Variants in CCDC30 observed in about 807,000 individuals in gnomAD.
The protein encoded by CCDC30 is coiled-coil domain-containing protein 30.
Under a neutral mutation model 100.2 loss-of-function variants are expected in CCDC30, and 70 were observed. The ratio of observed to expected loss-of-function variants is 0.70; its 90% CI spans 0.58 to 0.85. CCDC30 has a LOEUF of 0.85. CCDC30 is among the 40% of genes least tolerant of loss of function. The pLI is 0.00. For missense variants in CCDC30, 652 were observed against 771.2 expected (o/e 0.85, Z 1.83); for synonymous variants, 233 against 269.5 (o/e 0.86, Z 1.33).
At chr1:42,614,471 A>G (rs553368982) in intron 11 of CCDC30, among the ~76,000 whole-genome samples, 7 of 152,124 alleles carry the variant, frequency 4.6e-5, no homozygotes, top group Non-Finnish European at 8.8e-5. Flanking sequence ...GTTTGTGCCC[A>G]TATTACCACC....
intron 7 of CCDC30, among the ~76,000 whole-genome samples, chr1:42,572,566 C>T (rs1281452932): frequency 6.6e-6 from 1 of 151,996 alleles, no homozygotes. Flanking sequence ...TATCTTACTA[C>T]TTCAAAGTCA....
chr1:42,473,143 A>G, intron 1 of CCDC30: 1 of 1,229,652 alleles, frequency 8.1e-7, no homozygotes, highest in Non-Finnish European at 1.0e-6. Flanking sequence ...GTTAGAAGAC[A>G]TACTTCACCA....
intron 9 of CCDC30, among the ~76,000 whole-genome samples, chr1:42,586,315 G>A (rs567471108): frequency 5.9e-5 from 9 of 152,092 alleles, no homozygotes; most frequent in South Asian, 2.1e-4. Context: ...TTGTTTGTTC[G>A]TTTGTTTAGA....
At chr1:42,457,284 A>G in the CCDC30 span, 19 of 1,614,184 alleles carry the variant, frequency 1.2e-5, no homozygotes, top group Non-Finnish European at 1.6e-5. Flanking sequence ...CGGCTGTGTC[A>G]GATTTCTATG....
At chr1:42,559,331 T>C (rs1645437811) in intron 6 of CCDC30, among the ~76,000 whole-genome samples, 1 of 152,102 alleles carries the variant, frequency 6.6e-6, no homozygotes, top group Admixed American at 6.6e-5. Flanking sequence ...ATGCCCCAAT[T>C]AAAAGACACA....
exon 3 of CCDC30, chr1:42,482,764 T>G: frequency 8.1e-7 from 1 of 1,233,878 alleles, no homozygotes; most frequent in Non-Finnish European, 1.0e-6. Flanking sequence ...ATGAAGAGAT[T>G]CAAAGGCTCA....
At chr1:42,478,595 C>CA (rs778920183) in intron 1 of CCDC30, among the ~76,000 whole-genome samples, 44 of 152,132 alleles carry the variant, frequency 2.9e-4, no homozygotes, top group South Asian at 6.2e-4. Context: ...CCCATCTCTA[C>CA]AAAAAATACA....
upstream of CCDC30, among the ~76,000 whole-genome samples, chr1:42,458,253 G>A (rs995159437): frequency 7.2e-5 from 11 of 152,216 alleles, no homozygotes; most frequent in African/African-American, 2.4e-4. Flanking sequence ...TATGAAAGAC[G>A]AAGTAGAGAA....
At chr1:42,644,211 C>G (rs1647685152) in intron 13 of CCDC30, among the ~76,000 whole-genome samples, 1 of 152,126 alleles carries the variant, frequency 6.6e-6, no homozygotes, top group South Asian at 2.1e-4. Context: ...AGGCTGTCCA[C>G]AAGCTGAGGA....
At chr1:42,652,188 T>C (rs11210689) in intron 15 of CCDC30, among the ~76,000 whole-genome samples, 28,346 of 152,098 alleles carry the variant, frequency 0.19, 3,119 homozygotes, top group East Asian at 0.3. Context: ...ACCTGGAGGA[T>C]ATTATGCTAA....
At chr1:42,524,047 T>C (rs912129640) in intron 6 of CCDC30, among the ~76,000 whole-genome samples, 4 of 152,064 alleles carry the variant, frequency 2.6e-5, no homozygotes, top group African/African-American at 9.6e-5. Context: ...TAAAAGTCTT[T>C]GTGTAGTAGA....
intron 1 of CCDC30, among the ~76,000 whole-genome samples, chr1:42,477,288 G>C (rs1199376784): frequency 6.6e-6 from 1 of 152,130 alleles, no homozygotes; most frequent in Non-Finnish European, 1.5e-5. Flanking sequence ...GGAGTGCAGT[G>C]GTGTGATCTC....
intron 6 of CCDC30, chr1:42,500,376 C>T (rs780924479): frequency 6.3e-5 from 88 of 1,396,610 alleles, no homozygotes; most frequent in Non-Finnish European, 8.2e-5. Context: ...TGCGTGAGAA[C>T]GAGCGAAGTC....
At chr1:42,480,816 G>C (rs1643944351) in intron 2 of CCDC30, among the ~76,000 whole-genome samples, 1 of 152,106 alleles carries the variant, frequency 6.6e-6, no homozygotes, top group African/African-American at 2.4e-5. Context: ...TTGTTTGAAT[G>C]TATGATAATG....
At chr1:42,512,485 A>G (rs1367968335) in intron 6 of CCDC30, among the ~76,000 whole-genome samples, 1 of 152,164 alleles carries the variant, frequency 6.6e-6, no homozygotes, top group African/African-American at 2.4e-5. Context: ...AAATCACAAC[A>G]GCATTCCCCT....
chr1:42,514,267 G>A (rs1437422266), intron 6 of CCDC30, among the ~76,000 whole-genome samples: 3 of 152,080 alleles, frequency 2.0e-5, no homozygotes, highest in African/African-American at 7.2e-5. Context: ...TCCTAGAAGT[G>A]GAATTATTGG....
intron 11 of CCDC30, among the ~76,000 whole-genome samples, chr1:42,618,112 G>A (rs551838639): frequency 4.1e-4 from 63 of 151,938 alleles, no homozygotes; most frequent in Non-Finnish European, 7.8e-4. Context: ...TATTATAAAC[G>A]ATGTTAAAAC....
chr1:42,559,483 G>A (rs1645441438), intron 6 of CCDC30, among the ~76,000 whole-genome samples: 1 of 152,014 alleles, frequency 6.6e-6, no homozygotes, highest in African/African-American at 2.4e-5. Context: ...AAAAAAGCAG[G>A]GGTTGCAATC....
chr1:42,476,718 G>A (rs1432718571), intron 1 of CCDC30, among the ~76,000 whole-genome samples: 2 of 140,510 alleles, frequency 1.4e-5, no homozygotes, highest in African/African-American at 4.9e-5. Flanking sequence ...AAAAAAATTA[G>A]GTGCTGTTAT....
Sources: gnomAD v4.1 joint callset for allele counts (sites outside exome capture counted in the v4.1 genomes callset) on GRCh38, gnomAD v4.1.1 for gene constraint, MANE v1.5 for transcripts, NCBI Gene and HGNC (gene_info 2026-07-23, HGNC 2026-07-21) for gene names.